Variants in IQCK observed in about 807,000 individuals in gnomAD.
The protein encoded by IQCK is IQ domain-containing protein K.
IQCK carries 29 observed loss-of-function variants against 28.1 expected under a neutral mutation model. The observed-to-expected ratio is 1.03, with a 90% confidence interval of 0.77 to 1.41. IQCK has a LOEUF of 1.41. Among genes scored for constraint, IQCK ranks in the 40% most tolerant of loss-of-function variants. The pLI, the probability that IQCK is intolerant of heterozygous loss-of-function variation, is 0.00. For synonymous variants in IQCK, 113 were observed against 115.1 expected (o/e 0.98, Z 0.12); for missense variants, 359 against 314.7 (o/e 1.14, Z -1.07).
intron 4 of IQCK, among the ~76,000 whole-genome samples, chr16:19,754,028 A>G (rs2055020538): frequency 6.6e-6 from 1 of 152,066 alleles, no homozygotes; most frequent in Admixed American, 6.6e-5. Flanking sequence ...CCCTTTGGCC[A>G]GGATAAATGT....
chr16:19,838,943 T>C (rs907841843), intron 9 of IQCK, among the ~76,000 whole-genome samples: 1 of 130,504 alleles, frequency 7.7e-6, no homozygotes, highest in Admixed American at 9.8e-5. Flanking sequence ...TGCTCGAACC[T>C]AGGAGGCAGA....
chr16:19,766,823 A>G lies in IQCK; in HGVS notation c.605+2711A>G, dbSNP rs574588559. 2.6e-5 allele frequency among the ~76,000 whole-genome samples: 4 copies of G among 152,292 alleles called. No homozygotes were observed. The East Asian group carries it at 7.7e-4, about 29-fold the overall frequency. On this transcript the variant is annotated intron_variant, in intron 6 of 7. Coordinates refer to ENST00000564186, the Ensembl canonical transcript of IQCK. ...AGTAGTTTCAAAACTTTAAAGCAGC[A>G]CTTTGGGAGGCCGAGGTGGGTAGGT...
chr16:19,823,431 C>G (rs2056102233), intron 7 of IQCK, among the ~76,000 whole-genome samples: 1 of 152,114 alleles, frequency 6.6e-6, no homozygotes, highest in Non-Finnish European at 1.5e-5. Flanking sequence ...GCAGGAGAGA[C>G]AGTAGTTCCT....
Position 19,825,152 on chromosome 16 carries a change from C to T in IQCK, c.691-1874C>T, listed in dbSNP as rs2056130178. Among the ~76,000 whole-genome samples the T allele has an allele frequency of 1.3e-5, 2 of 152,164 alleles. No homozygotes were observed. The highest frequency in any genetic ancestry group is 6.5e-5 in the Admixed American group (1 of 15,270). On this transcript the variant is annotated intron_variant, in intron 7 of 7. Coordinates refer to ENST00000564186, the Ensembl canonical transcript of IQCK. This position sits in a 1 kb window ranked among gnomAD's most constrained non-coding sequence, Gnocchi z 4.2. ...CCATATCCAGTACGACTTGGCAAGC[C>T]ACTAAAACTCAGTTATCTCATCTGT...
chr16:19,726,860 A>C (rs1381260389), intron 1 of IQCK, among the ~76,000 whole-genome samples: 1 of 152,172 alleles, frequency 6.6e-6, no homozygotes. Context: ...AATGCCGGGC[A>C]TGCTGGCTGA....
chr16:19,778,208 C>A (rs1448659676), intron 6 of IQCK, among the ~76,000 whole-genome samples: 1 of 152,088 alleles, frequency 6.6e-6, no homozygotes, highest in South Asian at 2.1e-4. Flanking sequence ...GTTGTGGGAG[C>A]CCCCAATTTG....
intron 4 of IQCK, among the ~76,000 whole-genome samples, chr16:19,741,541 T>C (rs79754670): frequency 0.026 from 3,931 of 152,316 alleles, 69 homozygotes; most frequent in Middle Eastern, 0.085. Flanking sequence ...TGCCAACTCA[T>C]ATTTCATTGT....
chr16:19,785,256 C>A (rs1159390756), intron 6 of IQCK, among the ~76,000 whole-genome samples: 1 of 152,220 alleles, frequency 6.6e-6, no homozygotes, highest in Admixed American at 6.5e-5. Context: ...TTTGGCCGAT[C>A]TGCTGGGTGC....
exon 10 of IQCK, chr16:19,857,535 C>A: frequency 2.5e-6 from 1 of 397,710 alleles, no homozygotes. Context: ...TATTATCTAT[C>A]AAAAGTGAGC....
downstream of IQCK, among the ~76,000 whole-genome samples, chr16:19,830,751 G>A (rs181534953): frequency 2.6e-5 from 4 of 152,258 alleles, no homozygotes; most frequent in East Asian, 7.7e-4. Context: ...CTGATCTACT[G>A]AACTTCATGA....
chr16:19,852,029 C>T (rs890877548), intron 9 of IQCK, among the ~76,000 whole-genome samples: 3 of 152,146 alleles, frequency 2.0e-5, no homozygotes, highest in African/African-American at 7.2e-5. Flanking sequence ...AGCTGCTCCT[C>T]GGGGTGTTAC....
chr16:19,762,216 T>C (rs2055157671), intron 4 of IQCK, among the ~76,000 whole-genome samples: 1 of 152,138 alleles, frequency 6.6e-6, no homozygotes, highest in Non-Finnish European at 1.5e-5. Flanking sequence ...CAATCAAGTT[T>C]CTGTTAATAA....
At chr16:19,749,795 AG>A (rs2054961905) in intron 4 of IQCK, among the ~76,000 whole-genome samples, 1 of 151,988 alleles carries the variant, frequency 6.6e-6, no homozygotes, top group Non-Finnish European at 1.5e-5. Flanking sequence ...AAAAAGAAAA[AG>A]TGTGCCAATT....
At chr16:19,770,554 C>T (rs1048812754) in intron 6 of IQCK, among the ~76,000 whole-genome samples, 1 of 151,342 alleles carries the variant, frequency 6.6e-6, no homozygotes, top group Non-Finnish European at 1.5e-5. Flanking sequence ...CCCCTGCATT[C>T]CTCTTCAAAG....
At chr16:19,780,094 T>C (rs1453048462) in intron 6 of IQCK, among the ~76,000 whole-genome samples, 1 of 150,828 alleles carries the variant, frequency 6.6e-6, no homozygotes, top group African/African-American at 2.4e-5. Flanking sequence ...CCAGCTGGAG[T>C]GCAGTGGTGC....
intron 1 of IQCK, among the ~76,000 whole-genome samples, chr16:19,721,438 C>T (rs551452576): frequency 6.6e-6 from 1 of 152,302 alleles, no homozygotes; most frequent in South Asian, 2.1e-4. Context: ...CCAGTGACAA[C>T]TGAGTTTTGT....
intron 6 of IQCK, among the ~76,000 whole-genome samples, chr16:19,773,154 G>A (rs1165202414): frequency 6.6e-6 from 1 of 152,144 alleles, no homozygotes; most frequent in East Asian, 1.9e-4. Flanking sequence ...TACTGGAGGT[G>A]GCTGGAGTGA....
At chr16:19,763,880 T>C (rs1298926898) in exon 5 of IQCK, 1 of 1,613,920 alleles carries the variant, frequency 6.2e-7, no homozygotes, top group South Asian at 1.1e-5. Context: ...CCTGTGATTT[T>C]CTGACTGAGT....
chr16:19,793,643 GTTTTTTTTTT>G (rs1285541664), intron 7 of IQCK, among the ~76,000 whole-genome samples: 4 of 61,808 alleles, frequency 6.5e-5, no homozygotes, highest in South Asian at 8.0e-4. Flanking sequence ...TCTCAGTTGG[GTTTTTTTTTT>G]TTTTTTTTTT....
Sources: gnomAD v4.1 joint callset for allele counts (sites outside exome capture counted in the v4.1 genomes callset) on GRCh38, gnomAD v4.1.1 for gene constraint, Gnocchi (gnomAD v3.1) non-coding constraint, MANE v1.5 for transcripts, NCBI Gene and HGNC (gene_info 2026-07-23, HGNC 2026-07-21) for gene names.